FRMD4A: variants seen among roughly 807,000 people sequenced by gnomAD.
FRMD4A encodes the protein FERM domain containing 4A.
Under a neutral mutation model 129.1 loss-of-function variants are expected in FRMD4A, and 29 were observed. The observed-to-expected ratio is 0.22, with a 90% CI of 0.17 to 0.31. The LOEUF (loss-of-function observed/expected upper bound fraction) is 0.31, where lower values mean the gene tolerates loss of function less well. Ranked by LOEUF, FRMD4A falls within the 10% of genes least tolerant of loss-of-function variation. The pLI is 1.00. For missense variants in FRMD4A, 1,272 were observed against 1,375.8 expected (o/e 0.92, Z 1.19); for synonymous variants, 634 against 571.6 (o/e 1.11, Z -1.56).
chr10:14,252,043 T>C (rs1844458753), intron 2 of FRMD4A, among the ~76,000 whole-genome samples: 1 of 152,254 alleles, frequency 6.6e-6, no homozygotes, highest in Non-Finnish European at 1.5e-5. Context: ...GCATATATTT[T>C]ATTTGAACAA....
intron 12 of FRMD4A, among the ~76,000 whole-genome samples, chr10:13,718,363 T>C (rs1381181002): frequency 2.6e-5 from 4 of 152,236 alleles, no homozygotes; most frequent in African/African-American, 4.8e-5. Context: ...CCAGCAGAGA[T>C]AGGAGGCGGT....
intron 2 of FRMD4A, among the ~76,000 whole-genome samples, chr10:14,222,774 C>T (rs1485033034): frequency 6.6e-6 from 1 of 152,118 alleles, no homozygotes; most frequent in East Asian, 1.9e-4. Context: ...GGCACTGTGG[C>T]TTTGGTGATT....
At chr10:14,121,130 G>T (rs1035115715) in intron 2 of FRMD4A, among the ~76,000 whole-genome samples, 2 of 152,188 alleles carry the variant, frequency 1.3e-5, no homozygotes, top group Non-Finnish European at 2.9e-5. Flanking sequence ...CACTTTGAAA[G>T]GTTGAGTTGG....
chr10:13,699,092 G>A (rs1204286535), intron 14 of FRMD4A, among the ~76,000 whole-genome samples: 1 of 133,528 alleles, frequency 7.5e-6, no homozygotes, highest in Admixed American at 8.3e-5. Flanking sequence ...GTCTCACTCT[G>A]TCAACCACGC....
chr10:14,028,913 G>C (rs1833104472), intron 2 of FRMD4A, among the ~76,000 whole-genome samples: 1 of 152,190 alleles, frequency 6.6e-6, no homozygotes, highest in African/African-American at 2.4e-5. Context: ...ACTATTTATA[G>C]ACATTTCTTT....
rs1158749995 is a variant in FRMD4A at position 13,643,972 on chromosome 10, C to G, written c.*3066G>C. The G allele has an allele frequency of 6.6e-6, 1 of 152,572 alleles. No homozygotes were observed. The highest frequency in any genetic ancestry group is 1.9e-4 in the East Asian group (1 of 5,200). The allele number at this position is 152,572 out of a possible 1,614,324, so 9.5% of individuals were successfully genotyped here. On this transcript the variant is annotated 3_prime_UTR_variant, in exon 25 of 25. Coordinates refer to ENST00000357447, the MANE Select transcript of FRMD4A (RefSeq NM_018027.5). ...TTAAACTAGAGTCCATTTTACACAA[C>G]TTGTAATAAACTATTGACATTAATG...
At chr10:13,719,108 G>A (rs752585344) in intron 12 of FRMD4A, among the ~76,000 whole-genome samples, 3 of 152,150 alleles carry the variant, frequency 2.0e-5, no homozygotes, top group Non-Finnish European at 4.4e-5. Flanking sequence ...TCCTCTGTCT[G>A]CTCGACTCCA....
Position 13,747,121 on chromosome 10 carries a change from C to T in FRMD4A, c.548+615G>A, listed in dbSNP as rs184955835. Among the ~76,000 whole-genome samples, 7 of 151,268 alleles carry T rather than the reference C, an allele frequency of 4.6e-5. No homozygotes were observed. The East Asian group carries it at 5.8e-4, about 13-fold the overall frequency. The stretch of plus-strand genomic sequence containing the variant: ...ACTCTAGCAGCACATGAAAGGCTCT[C>T]GAAGGCGGTGAAGCTTCCAAAGTGA... On this transcript the variant is annotated intron_variant, in intron 9 of 24. Transcript: ENST00000357447.
At chr10:13,707,261 C>G (rs548298615) in intron 12 of FRMD4A, 148 bp from the exon 13 acceptor site, 1,068 of 809,782 alleles carry the variant, frequency 1.3e-3, no homozygotes, top group Non-Finnish European at 1.9e-3. Context: ...TTGCTTGACA[C>G]ACACACACAC....
intron 4 of FRMD4A, among the ~76,000 whole-genome samples, chr10:13,797,714 C>A (rs1034030104): frequency 1.3e-5 from 2 of 152,170 alleles, no homozygotes; most frequent in African/African-American, 4.8e-5. Context: ...CAACTGACCC[C>A]ACTGCATTTC....
At chr10:13,893,585 C>G (rs1283565530) in intron 2 of FRMD4A, among the ~76,000 whole-genome samples, 1 of 152,024 alleles carries the variant, frequency 6.6e-6, no homozygotes, top group Admixed American at 6.5e-5. Context: ...TGCAGTGGCA[C>G]AATCTCGGCT....
At chr10:13,714,471 GCA>G (rs2134944941) in intron 12 of FRMD4A, among the ~76,000 whole-genome samples, 1 of 151,930 alleles carries the variant, frequency 6.6e-6, no homozygotes, top group East Asian at 1.9e-4. Flanking sequence ...GAAGACAGAG[GCA>G]AGGCCCTTGG....
chr10:13,841,929 C>T (rs1271023978), intron 3 of FRMD4A, among the ~76,000 whole-genome samples: 1 of 152,164 alleles, frequency 6.6e-6, no homozygotes, highest in Non-Finnish European at 1.5e-5. Context: ...GGGGACTCTG[C>T]TCTTAAACCT....
intron 3 of FRMD4A, among the ~76,000 whole-genome samples, chr10:13,857,807 A>C (rs1023375785): frequency 2.5e-5 from 3 of 122,048 alleles, no homozygotes; most frequent in African/African-American, 6.1e-5. Flanking sequence ...AAATGTAATA[A>C]AAATTGGCAT....
At chr10:13,773,565 TTTCTTGATTTCTC>T (rs1443953147) in intron 6 of FRMD4A, among the ~76,000 whole-genome samples, 1 of 152,264 alleles carries the variant, frequency 6.6e-6, no homozygotes, top group East Asian at 1.9e-4. Flanking sequence ...GAGCTGGTGA[TTTCTTGATTTCTC>T]TTATAGCTGT....
chr10:14,217,927 T>C (rs983413241), intron 2 of FRMD4A, among the ~76,000 whole-genome samples: 5 of 151,994 alleles, frequency 3.3e-5, no homozygotes, highest in Admixed American at 6.6e-5. Context: ...ACCTCCTGGG[T>C]TCAAGTGATC....
intron 2 of FRMD4A, among the ~76,000 whole-genome samples, chr10:14,084,929 G>A (rs776770309): frequency 3.3e-5 from 5 of 152,142 alleles, no homozygotes; most frequent in African/African-American, 7.2e-5. Context: ...CCTGTGTGGC[G>A]TGGCTTGTCT....
chr10:14,146,870 C>T (rs1383766765), intron 2 of FRMD4A, among the ~76,000 whole-genome samples: 1 of 152,188 alleles, frequency 6.6e-6, no homozygotes, highest in Non-Finnish European at 1.5e-5. Context: ...TGCACGTAAT[C>T]AGTTGAGGCA....
intron 2 of FRMD4A, among the ~76,000 whole-genome samples, chr10:14,088,440 TC>T (rs1836427102): frequency 7.1e-6 from 1 of 140,854 alleles, no homozygotes; most frequent in African/African-American, 2.7e-5. Context: ...ACAAGACTCT[TC>T]CTAAAAGAAA....
Sources: gnomAD v4.1 joint callset for allele counts (sites outside exome capture counted in the v4.1 genomes callset) on GRCh38, gnomAD v4.1.1 for gene constraint, MANE v1.5 for transcripts, NCBI Gene and HGNC (gene_info 2026-07-23, HGNC 2026-07-21) for gene names.